TAF4: variants seen among roughly 807,000 people sequenced by gnomAD.
TAF4 encodes the protein transcription initiation factor TFIID subunit 4.
In TAF4, 9 loss-of-function variants were observed where a neutral mutation model predicts 90.3. The observed-to-expected ratio is 0.10, with a 90% CI of 0.06 to 0.17. The LOEUF (loss-of-function observed/expected upper bound fraction) is 0.17, where lower values mean the gene tolerates loss of function less well. TAF4 is among the 10% of genes least tolerant of loss of function. TAF4 has a pLI of 1.00. For synonymous variants in TAF4, 818 were observed against 638.9 expected (o/e 1.28, Z -4.23); for missense variants, 1,351 against 1,370.7 (o/e 0.99, Z 0.23).
chr20:62,050,522 TC>T (rs1165267423), intron 1 of TAF4, among the ~76,000 whole-genome samples: 4 of 150,830 alleles, frequency 2.7e-5, no homozygotes, highest in Non-Finnish European at 5.9e-5. Flanking sequence ...GTCTCCTCTC[TC>T]CCCCACCCCT....
intron 2 of TAF4, 74 bp downstream of exon 2, chr20:62,014,473 G>C: frequency 6.8e-7 from 1 of 1,477,346 alleles, no homozygotes; most frequent in Non-Finnish European, 9.0e-7. Context: ...GGCCCTTGCA[G>C]GTTTCCCCAG....
At chr20:61,979,752 C>T (rs2055525690) in intron 14 of TAF4, among the ~76,000 whole-genome samples, 2 of 144,000 alleles carry the variant, frequency 1.4e-5, no homozygotes, top group African/African-American at 2.6e-5. Flanking sequence ...AGAGGTACTG[C>T]GGCATGTGCA....
chr20:62,046,439 G>C (rs2055993744), intron 1 of TAF4, among the ~76,000 whole-genome samples: 1 of 152,202 alleles, frequency 6.6e-6, no homozygotes, highest in South Asian at 2.1e-4. Context: ...TCATACAAAT[G>C]AAATTGTGCG....
At chr20:62,009,022 G>T (rs745762774) in intron 5 of TAF4, 30 bp downstream of exon 5, 1 of 1,605,908 alleles carries the variant, frequency 6.2e-7, no homozygotes. Flanking sequence ...GGCTTTAGGG[G>T]AAAGGGAATG....
intron 12 of TAF4, 98 bp downstream of exon 12, chr20:61,998,885 T>C (rs964586480): frequency 1.2e-5 from 18 of 1,508,822 alleles, no homozygotes; most frequent in Non-Finnish European, 1.6e-5. Context: ...GCCCAAAACA[T>C]GCTCTGACCA....
In TAF4 at chr20:61,980,881, G is replaced by A. The variant is rs150913817; in HGVS notation, c.3091-4546C>T. On this transcript the variant is annotated intron_variant, in intron 14 of 14. Coordinates refer to ENST00000252996, the MANE Select transcript of TAF4 (RefSeq NM_003185.4). ...GGGGTGGGACAGGGGTCTGTGGGAA[G>A]CCACTGCTGAAAGGCTAAGCCACCC... The A allele has an allele frequency of 6.8e-3, 1,035 of 152,696 alleles. 7 individuals carry two copies. The highest frequency in any genetic ancestry group is 0.011 in the Non-Finnish European group (780 of 68,308). 9.5% of individuals were successfully genotyped at this position (152,696 alleles called of 1,614,324 possible). A position where few individuals can be genotyped will look rare whatever the true frequency, so the allele number is the denominator to read the frequency against.
intron 14 of TAF4, among the ~76,000 whole-genome samples, chr20:61,989,705 G>A (rs1233803762): frequency 6.9e-6 from 1 of 144,132 alleles, no homozygotes; most frequent in African/African-American, 2.6e-5. Flanking sequence ...TGCAGTGAGT[G>A]AGTGAATGAG....
In TAF4 at chr20:62,015,245, C is replaced by A. The variant is rs563855752; in HGVS notation, c.1361-538G>T. Among the ~76,000 whole-genome samples, 156 of 152,332 alleles carry A rather than the reference C, an allele frequency of 1.0e-3. 1 individual carries two copies. The highest frequency in any genetic ancestry group is 3.4e-3 in the Middle Eastern group (1 of 294). On this transcript the variant is annotated intron_variant, in intron 1 of 14. Coordinates refer to ENST00000252996, the MANE Select transcript of TAF4 (RefSeq NM_003185.4). ...TCGGGAGGCAGGGCAGTGCTGCCCCCACACTGCCCTGACAACCACAACACA... is the reference window on the plus strand; with the variant it reads ...TCGGGAGGCAGGGCAGTGCTGCCCCAACACTGCCCTGACAACCACAACACA...
chr20:62,048,329 A>C lies in TAF4; in HGVS notation c.1360+16122T>G, dbSNP rs568410071. 4.6e-5 allele frequency among the ~76,000 whole-genome samples: 7 copies of C among 152,242 alleles called. No homozygotes were observed. In the East Asian group the frequency reaches 1.4e-3, roughly 29 times the overall value. On this transcript the variant is annotated intron_variant, in intron 1 of 14. Transcript: ENST00000252996. ...CTGGACACACCTAGGAAAGGATGGG[A>C]GTTGTCAAGTGATTTGCTCAGCTGG...
chr20:62,053,265 G>C (rs887205400), intron 1 of TAF4, among the ~76,000 whole-genome samples: 4 of 152,234 alleles, frequency 2.6e-5, no homozygotes, highest in African/African-American at 9.6e-5. Context: ...GTGGGGCGAA[G>C]GGAGAGCCAC....
Position 62,007,583 on chromosome 20 carries a change from A to G in TAF4, c.1938T>C (p.Asn646=), listed in dbSNP as rs773359906. Residue 646 remains asparagine, a synonymous_variant, in exon 6 of 15, where the codon AAT becomes AAC. Coordinates refer to ENST00000252996, the MANE Select transcript of TAF4 (RefSeq NM_003185.4). ...GCACAAGGTAAGGTTGAGGTGAAGA[A>G]TTAAGTTCTCGGTATAACCTGCTTG... ...DFTSRLYREL[N]SSPQPYLVPF... The G allele has an allele frequency of 6.2e-7, 1 of 1,612,822 alleles. No homozygotes were observed. The highest frequency in any genetic ancestry group is 8.5e-7 in the Non-Finnish European group (1 of 1,179,554).
At chr20:62,026,488 A>T (rs573711692) in intron 1 of TAF4, among the ~76,000 whole-genome samples, 1 of 152,310 alleles carries the variant, frequency 6.6e-6, no homozygotes, top group African/African-American at 2.4e-5. Flanking sequence ...TTTGATGGAA[A>T]AGGGATCCCC....
intron 1 of TAF4, among the ~76,000 whole-genome samples, chr20:62,050,425 C>T (rs576620678): frequency 2.6e-5 from 4 of 152,262 alleles, no homozygotes; most frequent in Admixed American, 6.5e-5. Flanking sequence ...CTTCCCAAAA[C>T]GCCACAATGC....
intron 1 of TAF4, among the ~76,000 whole-genome samples, chr20:62,028,641 G>C (rs2055887184): frequency 6.6e-6 from 1 of 152,188 alleles, no homozygotes. Flanking sequence ...ATGCGTGTCT[G>C]TCAAGCCACA....
rs28382127 is a variant in TAF4 at position 61,984,139 on chromosome 20, G to A, written c.3091-7804C>T. ...TAAGCCAGCAGCCGGAAGACTGAGC[G>A]ACCTCATCACTGAGGAGCGGCTCGG... is the stretch of plus-strand genomic sequence containing the variant. On this transcript the variant is annotated intron_variant, in intron 14 of 14. Transcript: ENST00000252996. Among the ~76,000 whole-genome samples the A allele has an allele frequency of 6.3e-3, 956 of 152,276 alleles. 4 individuals carry two copies. Among genetic ancestry groups the A allele is most frequent in the Non-Finnish European group, 8.5e-3 (577 of 68,016 alleles).
At chr20:62,049,632 T>TGCCC (rs2056014674) in intron 1 of TAF4, among the ~76,000 whole-genome samples, 1 of 141,458 alleles carries the variant, frequency 7.1e-6, no homozygotes, top group African/African-American at 2.7e-5. Context: ...GATCCCTGCC[T>TGCCC]GCCCCAGCCC....
At chr20:61,999,482 T>G (rs1483134024) in intron 11 of TAF4, among the ~76,000 whole-genome samples, 1 of 152,234 alleles carries the variant, frequency 6.6e-6, no homozygotes, top group African/African-American at 2.4e-5. Context: ...CTCCCGGCTG[T>G]GGCAGCAGGC....
chr20:62,003,401 A>G (rs1370731454), intron 8 of TAF4, 127 bp from the exon 9 acceptor site: 1 of 761,392 alleles, frequency 1.3e-6, no homozygotes, highest in African/African-American at 1.8e-5. Flanking sequence ...GTTTCCAAAA[A>G]CTTCATATTA....
Position 62,013,405 on chromosome 20 carries a change from C to T in TAF4, c.1522-471G>A, listed in dbSNP as rs987572215. Among the ~76,000 whole-genome samples the T allele has an allele frequency of 2.6e-5, 4 of 152,228 alleles. No homozygotes were observed. In the East Asian group the frequency reaches 5.8e-4, roughly 22 times the overall value. On this transcript the variant is annotated intron_variant, in intron 2 of 14. Transcript: ENST00000252996. ...CAAGTCCTGAGCCCATGAAGTTTGTCGGAGAGAGACTGACATGGAAAGAGC... is the reference window on the plus strand; with the variant it reads ...CAAGTCCTGAGCCCATGAAGTTTGTTGGAGAGAGACTGACATGGAAAGAGC...
Sources: allele counts gnomAD v4.1 joint callset (sites outside exome capture counted in the v4.1 genomes callset), GRCh38; gene constraint gnomAD v4.1.1; transcripts MANE v1.5; gene names NCBI Gene and HGNC (gene_info 2026-07-23, HGNC 2026-07-21).